SLC24A2: variants seen among roughly 807,000 people sequenced by gnomAD.
The protein encoded by SLC24A2 is solute carrier family 24 member 2.
SLC24A2 carries 36 observed loss-of-function variants against 62.0 expected under a neutral mutation model. The ratio of observed to expected loss-of-function variants is 0.58; its 90% CI spans 0.44 to 0.77. The LOEUF is 0.77. Among genes scored for constraint, SLC24A2 ranks in the 30% least tolerant of loss-of-function variants. The pLI, the probability that SLC24A2 is intolerant of heterozygous loss-of-function variation, is 0.00. For synonymous variants in SLC24A2, 358 were observed against 294.0 expected (o/e 1.22, Z -2.23); for missense variants, 846 against 817.9 (o/e 1.03, Z -0.42).
chr9:20,032,114 T>A, the SLC24A2 span, among the ~76,000 whole-genome samples: 1 of 152,172 alleles, frequency 6.6e-6, no homozygotes, highest in Non-Finnish European at 1.5e-5. Context: ...TTGAACAGCC[T>A]TCTATCTTAT....
At chr9:20,250,918 G>C in the SLC24A2 span, among the ~76,000 whole-genome samples, 1 of 152,088 alleles carries the variant, frequency 6.6e-6, no homozygotes, top group Admixed American at 6.6e-5. Context: ...AAGCTTGACA[G>C]CCTGATTCCT....
intron 2 of SLC24A2, among the ~76,000 whole-genome samples, chr9:19,723,401 C>T (rs1203932820): frequency 6.6e-6 from 1 of 152,074 alleles, no homozygotes; most frequent in Admixed American, 6.6e-5. Context: ...GGTACTCTCA[C>T]CTCATTTAAA....
At chr9:19,958,103 T>A in the SLC24A2 span, 28 of 152,324 alleles carry the variant, frequency 1.8e-4, no homozygotes, top group East Asian at 1.5e-3. Context: ...TTCCAGGGAA[T>A]GCTGCTCATG....
chr9:19,551,065 A>G (rs7857581), intron 7 of SLC24A2, among the ~76,000 whole-genome samples: 109,351 of 151,912 alleles, frequency 0.72, 41,519 homozygotes, highest in East Asian at 1. Flanking sequence ...GAACATTAGG[A>G]CTGATTTCTT....
intron 7 of SLC24A2, among the ~76,000 whole-genome samples, chr9:19,560,868 T>A (rs1835353726): frequency 6.7e-6 from 1 of 150,106 alleles, no homozygotes; most frequent in African/African-American, 2.5e-5. Context: ...AATTTCTCAA[T>A]GTCTTTGCAT....
the SLC24A2 span, among the ~76,000 whole-genome samples, chr9:19,900,838 C>T: frequency 1.3e-5 from 2 of 152,110 alleles, no homozygotes; most frequent in African/African-American, 2.4e-5. Flanking sequence ...GGGAAATATG[C>T]TCTTCATCAA....
the SLC24A2 span, chr9:19,926,361 T>C: frequency 6.6e-6 from 1 of 152,216 alleles, no homozygotes; most frequent in Admixed American, 6.5e-5. Flanking sequence ...GAAAGCCCTG[T>C]CTCCTGTCCT....
At chr9:19,976,729 C>T in the SLC24A2 span, among the ~76,000 whole-genome samples, 805 of 152,136 alleles carry the variant, frequency 5.3e-3, 15 homozygotes, top group African/African-American at 0.018. Flanking sequence ...TTTGAGTGTC[C>T]ACAGATTTTG....
the SLC24A2 span, among the ~76,000 whole-genome samples, chr9:19,942,948 G>C: frequency 6.6e-6 from 1 of 152,146 alleles, no homozygotes; most frequent in Non-Finnish European, 1.5e-5. Context: ...GAACATTCTA[G>C]AGAAACCTAG....
the SLC24A2 span, among the ~76,000 whole-genome samples, chr9:19,876,115 C>A: frequency 1.3e-5 from 2 of 152,122 alleles, no homozygotes; most frequent in African/African-American, 4.8e-5. Context: ...AATCAAAGAG[C>A]ATATTAATAT....
chr9:20,040,177 G>C, the SLC24A2 span, among the ~76,000 whole-genome samples: 3 of 152,162 alleles, frequency 2.0e-5, no homozygotes, highest in Non-Finnish European at 4.4e-5. Context: ...TTACCATCTT[G>C]AATCTAAGTC....
At chr9:19,639,292 CT>C (rs1818434416) in intron 2 of SLC24A2, among the ~76,000 whole-genome samples, 1 of 152,138 alleles carries the variant, frequency 6.6e-6, no homozygotes, top group African/African-American at 2.4e-5. Flanking sequence ...TAATGAAGTC[CT>C]TTTGCAATGG....
chr9:20,017,146 C>T, the SLC24A2 span, among the ~76,000 whole-genome samples: 1 of 152,116 alleles, frequency 6.6e-6, no homozygotes, highest in African/African-American at 2.4e-5. Context: ...CCTCAGCCTC[C>T]TGAGTAGCTG....
At chr9:19,662,607 C>T (rs957372687) in intron 2 of SLC24A2, among the ~76,000 whole-genome samples, 14 of 152,126 alleles carry the variant, frequency 9.2e-5, no homozygotes, top group South Asian at 2.1e-4. Flanking sequence ...TTTAATTTTC[C>T]GCAGAGTACA....
the SLC24A2 span, among the ~76,000 whole-genome samples, chr9:20,244,935 A>C: frequency 1.3e-5 from 2 of 152,190 alleles, no homozygotes; most frequent in Non-Finnish European, 2.9e-5. Context: ...ACATTTTGCA[A>C]ATGTCTGAAA....
the SLC24A2 span, among the ~76,000 whole-genome samples, chr9:19,980,061 G>C: frequency 6.6e-6 from 1 of 152,226 alleles, no homozygotes; most frequent in Non-Finnish European, 1.5e-5. Context: ...GAAATAGCAC[G>C]AAGAAATGGC....
At chr9:20,056,841 G>C in the SLC24A2 span, among the ~76,000 whole-genome samples, 1 of 152,126 alleles carries the variant, frequency 6.6e-6, no homozygotes, top group Non-Finnish European at 1.5e-5. Context: ...CCATCCTCTT[G>C]AATGACACTA....
chr9:19,754,080 T>G (rs1822061163), intron 2 of SLC24A2, among the ~76,000 whole-genome samples: 1 of 152,154 alleles, frequency 6.6e-6, no homozygotes, highest in African/African-American at 2.4e-5. Flanking sequence ...CATTAACAAT[T>G]TAAACTACAC....
the SLC24A2 span, among the ~76,000 whole-genome samples, chr9:20,085,955 C>T: frequency 1.3e-5 from 2 of 151,986 alleles, no homozygotes; most frequent in African/African-American, 4.8e-5. Context: ...AGTGAGAGTC[C>T]AGAGTTGATT....
Sources: allele counts gnomAD v4.1 joint callset (sites outside exome capture counted in the v4.1 genomes callset), GRCh38; gene constraint gnomAD v4.1.1; transcripts MANE v1.5; gene names NCBI Gene and HGNC (gene_info 2026-07-23, HGNC 2026-07-21).